The following CUL4A variants were observed in gnomAD, a reference collection of about 807,000 sequenced individuals.
CUL4A encodes the protein cullin 4A, also known as cullin-4A.
In CUL4A, 16 loss-of-function variants were observed where a neutral mutation model predicts 95.5. That is an observed-to-expected ratio of 0.17 (90% CI 0.11 to 0.25). The LOEUF (loss-of-function observed/expected upper bound fraction) is 0.25, where lower values mean the gene tolerates loss of function less well. Ranked by LOEUF, CUL4A falls within the 10% of genes least tolerant of loss-of-function variation. The probability of loss-of-function intolerance (pLI) is 1.00; values close to 1 mark genes in which losing one functional copy is unlikely to be tolerated. For synonymous variants in CUL4A, 380 were observed against 353.1 expected (o/e 1.08, Z -0.85); for missense variants, 610 against 937.0 (o/e 0.65, Z 4.56).
intron 14 of CUL4A, 127 bp downstream of exon 14, chr13:113,245,364 C>A: frequency 1.2e-6 from 1 of 808,572 alleles, no homozygotes; most frequent in Non-Finnish European, 2.0e-6. Flanking sequence ...AAGTTCAAAA[C>A]TACCCTGATC....
intron 15 of CUL4A, among the ~76,000 whole-genome samples, chr13:113,249,949 T>A (rs1336453352): frequency 6.6e-6 from 1 of 152,214 alleles, no homozygotes; most frequent in Admixed American, 6.5e-5. Flanking sequence ...CTGTTTATCT[T>A]TTGTTATTAA....
chr13:113,234,590 C>T (rs988759806), intron 7 of CUL4A, among the ~76,000 whole-genome samples: 2 of 152,218 alleles, frequency 1.3e-5, no homozygotes, highest in Non-Finnish European at 2.9e-5. Context: ...AGGCCTTTCC[C>T]GCACTGTCTT....
At chr13:113,208,285 C>A, upstream of CUL4A, 3 of 1,433,968 alleles carry the variant, frequency 2.1e-6, no homozygotes, top group Non-Finnish European at 2.7e-6. Context: ...CTTCGGACCG[C>A]CTGGGAGCGC....
intron 3 of CUL4A, among the ~76,000 whole-genome samples, chr13:113,224,124 G>A (rs1449167215): frequency 6.6e-6 from 1 of 152,114 alleles, no homozygotes; most frequent in Non-Finnish European, 1.5e-5. Context: ...AGGCCAAGGT[G>A]GGCGGATCAT....
chr13:113,248,537 T>C (rs1395600992), intron 15 of CUL4A, among the ~76,000 whole-genome samples: 1 of 152,208 alleles, frequency 6.6e-6, no homozygotes, highest in East Asian at 1.9e-4. Flanking sequence ...TATTTTTTTA[T>C]TGTGGTAAAA....
intron 1 of CUL4A, 22 bp from the exon 2 acceptor site, chr13:113,209,951 C>G (rs1003371860): frequency 6.8e-7 from 1 of 1,479,760 alleles, no homozygotes; most frequent in Admixed American, 2.4e-5. Context: ...CCTGAGCCGC[C>G]CGCTCTCCCT....
At chr13:113,208,719 T>A (rs1229749507), upstream of CUL4A, 4 of 1,511,220 alleles carry the variant, frequency 2.6e-6, no homozygotes, top group Non-Finnish European at 3.6e-6. Flanking sequence ...TCCGTCTGGG[T>A]CCTGGCGCCC....
intron 5 of CUL4A, among the ~76,000 whole-genome samples, chr13:113,232,006 C>T (rs1034124971): frequency 3.6e-5 from 4 of 112,588 alleles, no homozygotes; most frequent in East Asian, 2.6e-4. Context: ...ACCACTGTTA[C>T]TACTGCCACC....
At chr13:113,257,059 G>A (rs1212873993) in intron 18 of CUL4A, among the ~76,000 whole-genome samples, 1 of 150,774 alleles carries the variant, frequency 6.6e-6, no homozygotes, top group Non-Finnish European at 1.5e-5. Flanking sequence ...CGAGTAGCTG[G>A]GACTACAGGC....
Position 113,263,826 on chromosome 13 carries a change from A to G in CUL4A, c.*244A>G, listed in dbSNP as rs771317465. 2 of 351,034 alleles carry G rather than the reference A, an allele frequency of 5.7e-6. No homozygotes were observed. The highest frequency in any genetic ancestry group is 1.0e-5 in the Non-Finnish European group (2 of 196,822). The allele number at this position is 351,034 out of a possible 1,614,324, so 21.7% of individuals were successfully genotyped here. ...TAAATTGTTTCTGTTACTCTGTGCA[A>G]AATAACTTTGAGATTGGACAAGAAG... On this transcript the variant is annotated 3_prime_UTR_variant, in exon 20 of 20. Transcript: ENST00000375440.
At position 113,229,428 on chromosome 13, in the gene CUL4A, C is replaced by A. The variant is rs1379586181; in HGVS notation, c.439-18C>A. ...TAGTAGAATTCATAAGTAAATGGTT[C>A]TCCTTTCTGCTGGTCAGATCATGAT... On this transcript the variant is annotated intron_variant, in intron 4 of 19. Transcript: ENST00000375440. 5 of 1,610,810 alleles carry A rather than the reference C, an allele frequency of 3.1e-6. No individual in the cohort carries two copies. The highest frequency in any genetic ancestry group is 4.2e-6 in the Non-Finnish European group (5 of 1,178,144).
intron 3 of CUL4A, among the ~76,000 whole-genome samples, chr13:113,222,534 G>A (rs1457573409): frequency 6.6e-6 from 1 of 152,092 alleles, no homozygotes; most frequent in Non-Finnish European, 1.5e-5. Context: ...ATGTTGATTT[G>A]GAAGGAGGTG....
chr13:113,215,447 T>C (rs1219795862), intron 2 of CUL4A, among the ~76,000 whole-genome samples: 3 of 148,640 alleles, frequency 2.0e-5, no homozygotes, highest in South Asian at 2.2e-4. Flanking sequence ...TGTGTGACCA[T>C]GGAGGTTACT....
At chr13:113,219,340 G>A in intron 3 of CUL4A, 1 of 259,314 alleles carries the variant, frequency 3.9e-6, no homozygotes, top group Non-Finnish European at 7.4e-6. Flanking sequence ...ATCTGCATTG[G>A]CTTTCTGTGA....
intron 2 of CUL4A, among the ~76,000 whole-genome samples, chr13:113,212,554 G>A (rs974917852): frequency 1.2e-4 from 18 of 152,188 alleles, no homozygotes; most frequent in Non-Finnish European, 1.6e-4. Flanking sequence ...AGGCCAAGGT[G>A]GGTAGATCGC....
At position 113,213,708 on chromosome 13, in the gene CUL4A, A is replaced by AGG. The variant is rs1219958515; in HGVS notation, c.264+3621_264+3622dup. 1.7e-4 allele frequency among the ~76,000 whole-genome samples: 26 copies of AGG among 152,368 alleles called. No individual in the cohort carries two copies. The East Asian group carries it at 3.7e-3, about 21-fold the overall frequency. On this transcript the variant is annotated intron_variant, in intron 2 of 19. Coordinates refer to ENST00000375440, the MANE Select transcript of CUL4A (RefSeq NM_001008895.4). Reference sequence around the variant, plus strand: ...TATGAACAATGTTTGTAGGTGCCTTAGGTGTCTGTCTTGAAACCCTGAGAA... The same window carrying AGG: ...TATGAACAATGTTTGTAGGTGCCTTAGGGGTGTCTGTCTTGAAACCCTGAGAA...
At chr13:113,246,367 C>G (rs1044498025) in intron 15 of CUL4A, among the ~76,000 whole-genome samples, 2 of 152,148 alleles carry the variant, frequency 1.3e-5, no homozygotes, top group African/African-American at 4.8e-5. Context: ...TTCTTTCTTT[C>G]CATTGTAGAC....
At chr13:113,262,454 C>A (rs1271408154) in intron 19 of CUL4A, among the ~76,000 whole-genome samples, 2 of 152,164 alleles carry the variant, frequency 1.3e-5, no homozygotes, top group African/African-American at 2.4e-5. Flanking sequence ...AATTTGAGAC[C>A]AGCCTGGGCA....
rs151131620 is a variant in CUL4A at position 113,235,253 on chromosome 13, G to A, written c.848+108G>A. On this transcript the variant is annotated intron_variant, in intron 8 of 19. Transcript: ENST00000375440. ...TCTTTGTCAATTCATTCAGTACTAA[G>A]AGTGTTTTTGCACCTAGCATATTTT... The A allele has an allele frequency of 3.4e-4, 242 of 711,668 alleles. 1 individual carries two copies. In the African/African-American group the frequency reaches 3.5e-3, roughly 10 times the overall value. 44.1% of individuals were successfully genotyped at this position (711,668 alleles called of 1,614,324 possible).
Sources: gnomAD v4.1 joint callset for allele counts (sites outside exome capture counted in the v4.1 genomes callset) on GRCh38, gnomAD v4.1.1 for gene constraint, MANE v1.5 for transcripts, NCBI Gene and HGNC (gene_info 2026-07-23, HGNC 2026-07-21) for gene names.